Variants in FGD2 observed in about 807,000 individuals in gnomAD.
FGD2 encodes the protein FYVE, RhoGEF and PH domain containing 2.
Under a neutral mutation model 75.9 loss-of-function variants are expected in FGD2, and 52 were observed. The observed-to-expected ratio is 0.69, with a 90% CI of 0.55 to 0.86. FGD2 has a LOEUF of 0.86. FGD2 is among the 40% of genes least tolerant of loss of function. The pLI is 0.00. For missense variants in FGD2, 790 were observed against 872.0 expected (o/e 0.91, Z 1.18); for synonymous variants, 347 against 348.6 (o/e 1.00, Z 0.05).
Position 37,014,926 on chromosome 6 carries a change from G to T in FGD2, c.917G>T (p.Arg306Leu). The change falls in exon 8 of 16, where the codon CGC (arginine) becomes CTC (leucine). Residue 306 changes from arginine (R) to leucine (L), a missense_variant. By Grantham distance (102) the Arg-to-Leu change is moderately radical. Coordinates refer to ENST00000274963, the MANE Select transcript of FGD2 (RefSeq NM_173558.4). ...CAGGACCTGTGGGAGGTGTACCAGC[G>T]CCTGGGCCTCGAGGACGACATAGTA... ...RLQDLWEVYQ[R>L]LGLEDDIVDP... is the part of the protein sequence containing the mutation. 1.2e-6 allele frequency: 2 copies of T among 1,614,064 alleles called. No homozygotes were observed. The highest frequency in any genetic ancestry group is 1.7e-6 in the Non-Finnish European group (2 of 1,179,990).
intron 4 of FGD2, chr6:37,013,358 TG>T: frequency 9.9e-7 from 1 of 1,006,866 alleles, no homozygotes; most frequent in Non-Finnish European, 1.3e-6. Flanking sequence ...ACACCTGCTG[TG>T]GGCCCAACAC....
chr6:37,022,245 T>C lies in FGD2; in HGVS notation c.1333T>C (p.Ser445Pro), dbSNP rs1765620737. The change falls in exon 13 of 16, where the codon TCT becomes CCT. Residue 445 changes from serine (S) to proline (P), a missense_variant. By Grantham distance (74) the Ser-to-Pro change is moderately conservative. Coordinates refer to ENST00000274963, the MANE Select transcript of FGD2 (RefSeq NM_173558.4). The part of the protein sequence containing the change: ...EGDIQEQELQ[S>P]EELGLRAPQW... ...AACTCCCCTTAACCCACAGCTGCAGTCTGAGGAGCTGGGCCTCCGGGCACC... is the reference window on the plus strand; with the variant it reads ...AACTCCCCTTAACCCACAGCTGCAGCCTGAGGAGCTGGGCCTCCGGGCACC... 6.3e-7 allele frequency: 1 copy of C among 1,597,718 alleles called. No homozygotes were observed. Among genetic ancestry groups the C allele is most frequent in the Middle Eastern group, 1.7e-4 (1 of 5,998 alleles).
intron 3 of FGD2, 118 bp downstream of exon 3, chr6:37,011,168 A>G (rs1304256121): frequency 6.0e-6 from 6 of 992,638 alleles, no homozygotes; most frequent in African/African-American, 4.9e-5. Context: ...CTTTGACTCC[A>G]GGAAGCCTTG....
At chr6:37,026,409 G>A in intron 14 of FGD2, 1 of 985,218 alleles carries the variant, frequency 1.0e-6, no homozygotes, top group Non-Finnish European at 1.2e-6. Flanking sequence ...CAGGGCTGGA[G>A]GAGTGACTTG....
chr6:37,005,938 C>T, intron 1 of FGD2, 53 bp downstream of exon 1: 3 of 1,588,220 alleles, frequency 1.9e-6, no homozygotes, highest in Non-Finnish European at 2.6e-6. Flanking sequence ...AGCCACCCTC[C>T]AGCCTTTCTG....
chr6:37,023,354 C>G lies in FGD2; in HGVS notation c.1458+984C>G, dbSNP rs73730517. 5.5e-3 allele frequency: 844 copies of G among 154,278 alleles called. 9 individuals are homozygous for G. Among genetic ancestry groups the G allele is most frequent in the African/African-American group, 0.019 (794 of 41,604 alleles). 9.6% of individuals were successfully genotyped at this position (154,278 alleles called of 1,614,324 possible). A position where few individuals can be genotyped will look rare whatever the true frequency, so the allele number is the denominator to read the frequency against. On this transcript the variant is annotated intron_variant, in intron 13 of 15. Transcript: ENST00000274963. ...CCCTTCCCTCTCCTCTTTTTCTTTC[C>G]CCCTCCTCCATAACTCAGGCAGGGC... is the stretch of plus-strand genomic sequence containing the variant.
chr6:37,013,822 G>T (rs1765142387), intron 5 of FGD2, 57 bp downstream of exon 5: 1 of 1,603,894 alleles, frequency 6.2e-7, no homozygotes, highest in African/African-American at 1.3e-5. Flanking sequence ...CAGTGGCTCA[G>T]GTTGCCTTGA....
At position 37,025,499 on chromosome 6, in the gene FGD2, C is replaced by T. The variant is rs116447417; in HGVS notation, c.1459-293C>T. On this transcript the variant is annotated intron_variant, in intron 13 of 15. Coordinates refer to ENST00000274963, the MANE Select transcript of FGD2 (RefSeq NM_173558.4). Reference sequence around the variant, plus strand: ...CCCCTTGGGTTCACAGCAGCCCTCACTCGGAGGGAACCTGGAGGGGAGAGA... The same window carrying T: ...CCCCTTGGGTTCACAGCAGCCCTCATTCGGAGGGAACCTGGAGGGGAGAGA... 774 of 432,396 alleles carry T rather than the reference C, an allele frequency of 1.8e-3. 1 individual carries two copies. Among genetic ancestry groups the T allele is most frequent in the Admixed American group, 4.1e-3 (118 of 28,686 alleles). 26.8% of individuals were successfully genotyped at this position (432,396 alleles called of 1,614,324 possible). A position where few individuals can be genotyped will look rare whatever the true frequency, so the allele number is the denominator to read the frequency against.
At chr6:37,021,125 T>C (rs1365213069) in intron 11 of FGD2, among the ~76,000 whole-genome samples, 2 of 151,546 alleles carry the variant, frequency 1.3e-5, no homozygotes, top group Non-Finnish European at 2.9e-5. Context: ...TGTGTATGTG[T>C]CTTTGTGTGT....
rs767399102 is a variant in FGD2 at position 37,013,678 on chromosome 6, T to C, written c.597T>C (p.Tyr199=). 28 of 1,613,938 alleles carry C rather than the reference T, an allele frequency of 1.7e-5. No homozygotes were observed. Among genetic ancestry groups the C allele is most frequent in the Non-Finnish European group, 2.3e-5 (27 of 1,179,988 alleles). ...CCTTCCTGAAGATGTACAGTGAGTA[T>C]GTCAAGAACTTTGAGCGAGCGGCTG... ...LAPFLKMYSE[Y]VKNFERAAEL... is the part of the protein sequence containing the mutation. Residue 199 remains tyrosine, a synonymous_variant, in exon 5 of 16, where the codon TAT becomes TAC. Coordinates refer to ENST00000274963, the MANE Select transcript of FGD2 (RefSeq NM_173558.4).
intron 12 of FGD2, chr6:37,021,941 C>A: frequency 2.0e-6 from 1 of 500,572 alleles, no homozygotes; most frequent in Non-Finnish European, 3.5e-6. Context: ...GAGGTGGGGG[C>A]TGGGGAGGAT....
Position 37,028,384 on chromosome 6 carries a change from G to A in FGD2, c.*221G>A, listed in dbSNP as rs1350225691. 1 of 520,064 alleles carries A rather than the reference G, an allele frequency of 1.9e-6. No individual in the cohort carries two copies. The highest frequency in any genetic ancestry group is 1.9e-5 in the African/African-American group (1 of 52,942). 32.2% of individuals were successfully genotyped at this position (520,064 alleles called of 1,614,324 possible). On this transcript the variant is annotated 3_prime_UTR_variant, in exon 16 of 16. Transcript: ENST00000274963. ...ACCAAGTGTCTCAGTTTGCCTTGCG[G>A]GGAGGGGGCTCCTGGGCCATGGGAC...
chr6:37,019,341 G>A (rs962879999), intron 9 of FGD2, among the ~76,000 whole-genome samples: 2 of 152,118 alleles, frequency 1.3e-5, no homozygotes, highest in South Asian at 2.1e-4. Context: ...CAAGGGCATC[G>A]AATCCAAATC....
rs1457055836 is a variant in FGD2, at chr6:37,015,830, G to A, written c.1092G>A (p.Val364=). Reference sequence around the variant, plus strand: ...TCCAGGTGGGCGCCCAGTTCCAGGTGAGGACCCGCATCGATGTGGCCGGGA... The same window carrying A: ...TCCAGGTGGGCGCCCAGTTCCAGGTAAGGACCCGCATCGATGTGGCCGGGA... The part of the protein sequence containing the change: ...RVIQVGAQFQ[V]RTRIDVAGMK... Residue 364 remains valine, a synonymous_variant, in exon 9 of 16, where the codon GTG becomes GTA. Transcript: ENST00000274963. 12 of 1,593,108 alleles carry A rather than the reference G, an allele frequency of 7.5e-6. No individual in the cohort carries two copies. Among genetic ancestry groups the A allele is most frequent in the South Asian group, 3.4e-5 (3 of 86,996 alleles).
intron 2 of FGD2, 117 bp from the exon 3 acceptor site, chr6:37,010,856 A>C: frequency 2.6e-5 from 24 of 925,490 alleles, no homozygotes; most frequent in Middle Eastern, 2.2e-4. Context: ...GAGGCCATGA[A>C]TCCCGGGAGG....
At chr6:37,011,092 G>C (rs745867842) in intron 3 of FGD2, 42 bp downstream of exon 3, 1 of 1,593,992 alleles carries the variant, frequency 6.3e-7, no homozygotes. Flanking sequence ...CCAGCCCTGG[G>C]TCTCCTCACC....
intron 12 of FGD2, 63 bp downstream of exon 12, chr6:37,021,667 C>A (rs1765598605): frequency 7.1e-7 from 1 of 1,416,102 alleles, no homozygotes; most frequent in Non-Finnish European, 9.8e-7. Flanking sequence ...TGTTCCCTCT[C>A]TGTTCTGCCT....
At chr6:37,007,347 C>T (rs578047362) in intron 1 of FGD2, among the ~76,000 whole-genome samples, 1 of 152,300 alleles carries the variant, frequency 6.6e-6, no homozygotes, top group African/African-American at 2.4e-5. Context: ...CCTGCCTCTC[C>T]CGGGATCTTT....
Position 37,028,293 on chromosome 6 carries a change from G to C in FGD2, c.*130G>C. 1.1e-6 allele frequency: 1 copy of C among 909,562 alleles called. No individual in the cohort carries two copies. Among genetic ancestry groups the C allele is most frequent in the East Asian group, 2.7e-5 (1 of 37,326 alleles). 56.3% of individuals were successfully genotyped at this position (909,562 alleles called of 1,614,324 possible). A position where few individuals can be genotyped will look rare whatever the true frequency, so the allele number is the denominator to read the frequency against. On this transcript the variant is annotated 3_prime_UTR_variant, in exon 16 of 16. Coordinates refer to ENST00000274963, the MANE Select transcript of FGD2 (RefSeq NM_173558.4). ...TCAGAGAATTGATTCAGCCATCTGC[G>C]CCCAGGCCACGTGTCCCGATCTGGG...
Sources: allele counts gnomAD v4.1 joint callset (sites outside exome capture counted in the v4.1 genomes callset), GRCh38; gene constraint gnomAD v4.1.1; transcripts MANE v1.5; gene names NCBI Gene and HGNC (gene_info 2026-07-23, HGNC 2026-07-21).